PTPRN2: variants seen among roughly 807,000 people sequenced by gnomAD.
The protein encoded by PTPRN2 is protein tyrosine phosphatase receptor type N2.
A neutral mutation model predicts 118.8 loss-of-function variants in PTPRN2; 74 were observed. The observed-to-expected ratio is 0.62, with a 90% CI of 0.52 to 0.76. The LOEUF (loss-of-function observed/expected upper bound fraction) is 0.76, where lower values mean the gene tolerates loss of function less well. Ranked by LOEUF, PTPRN2 falls within the 30% of genes least tolerant of loss-of-function variation. The pLI, the probability that PTPRN2 is intolerant of heterozygous loss-of-function variation, is 0.00. For missense variants in PTPRN2, 1,481 were observed against 1,394.4 expected (o/e 1.06, Z -0.99); for synonymous variants, 641 against 608.0 (o/e 1.05, Z -0.80).
chr7:157,641,276 T>C (rs888361912), intron 14 of PTPRN2, among the ~76,000 whole-genome samples: 7 of 152,136 alleles, frequency 4.6e-5, no homozygotes, highest in Non-Finnish European at 8.8e-5. Context: ...ACCCATTCAT[T>C]CCCACAGAAG....
intron 3 of PTPRN2, among the ~76,000 whole-genome samples, chr7:158,209,969 TAAG>T (rs771789760): frequency 3.3e-4 from 50 of 152,136 alleles, no homozygotes; most frequent in Non-Finnish European, 6.5e-4. Flanking sequence ...ATGAGGAAAT[TAAG>T]GAGAAAATTT....
At chr7:157,654,467 G>A (rs909298945) in intron 14 of PTPRN2, among the ~76,000 whole-genome samples, 2 of 152,192 alleles carry the variant, frequency 1.3e-5, no homozygotes, top group African/African-American at 2.4e-5. Context: ...CAATCTGTAC[G>A]CACAGAGTCT....
intron 3 of PTPRN2, among the ~76,000 whole-genome samples, chr7:158,260,699 G>A (rs575850694): frequency 7.9e-5 from 12 of 152,248 alleles, no homozygotes; most frequent in Non-Finnish European, 1.2e-4. Context: ...CTAGCGCTCC[G>A]TGGGGCTGAA....
At chr7:158,074,005 G>A (rs1437400676) in intron 11 of PTPRN2, among the ~76,000 whole-genome samples, 1 of 152,204 alleles carries the variant, frequency 6.6e-6, no homozygotes, top group Non-Finnish European at 1.5e-5. Context: ...TACCACAGGA[G>A]GACATACGTG....
intron 2 of PTPRN2, among the ~76,000 whole-genome samples, chr7:158,404,804 C>G (rs1267990555): frequency 1.5e-5 from 2 of 132,528 alleles, no homozygotes; most frequent in Non-Finnish European, 3.2e-5. Flanking sequence ...AGCTCCCTGG[C>G]CCCCAGCTCC....
intron 17 of PTPRN2, among the ~76,000 whole-genome samples, chr7:157,578,447 C>CCA (rs1226839073): frequency 1.3e-4 from 20 of 152,192 alleles, no homozygotes; most frequent in African/African-American, 4.8e-4. Flanking sequence ...TTCTACAACG[C>CCA]CACACATAAC....
chr7:158,016,853 G>C lies in PTPRN2; in HGVS notation c.1723+64445C>G, dbSNP rs185369569. Among the ~76,000 whole-genome samples the C allele has an allele frequency of 1.7e-4, 26 of 152,314 alleles. No individual in the cohort carries two copies. In the East Asian group the frequency reaches 4.8e-3, roughly 28 times the overall value. On this transcript the variant is annotated intron_variant, in intron 11 of 22. Transcript: ENST00000389418. ...TACGCTGAATATGAAACTGTTAATTGCATTTTCAGAGACATAGCTACAAGG... is the reference window on the plus strand; with the variant it reads ...TACGCTGAATATGAAACTGTTAATTCCATTTTCAGAGACATAGCTACAAGG...
At chr7:158,225,897 G>T (rs4909139) in intron 3 of PTPRN2, among the ~76,000 whole-genome samples, 2,715 of 132,244 alleles carry the variant, frequency 0.021, 28 homozygotes, top group Middle Eastern at 0.044. Context: ...GGGAGGTGGG[G>T]GCAGTGCAGG....
At chr7:158,583,771 G>T (rs1048174156) in intron 1 of PTPRN2, among the ~76,000 whole-genome samples, 3 of 152,136 alleles carry the variant, frequency 2.0e-5, no homozygotes, top group Non-Finnish European at 4.4e-5. Context: ...GATGGAGACC[G>T]AGCAGGAGAG....
intron 3 of PTPRN2, among the ~76,000 whole-genome samples, chr7:158,236,014 G>A (rs569322767): frequency 6.6e-6 from 1 of 152,248 alleles, no homozygotes; most frequent in South Asian, 2.1e-4. Context: ...GACGTCGTGG[G>A]GGAAACTGCA....
At chr7:158,082,307 C>G (rs960182462) in intron 10 of PTPRN2, among the ~76,000 whole-genome samples, 1 of 152,198 alleles carries the variant, frequency 6.6e-6, no homozygotes, top group East Asian at 1.9e-4. Context: ...CCACCACAGG[C>G]TCATCCCAAG....
At chr7:158,576,667 A>T (rs1482137934) in intron 1 of PTPRN2, among the ~76,000 whole-genome samples, 1 of 152,230 alleles carries the variant, frequency 6.6e-6, no homozygotes, top group Non-Finnish European at 1.5e-5. Flanking sequence ...GAGGTTCTGG[A>T]GCAAGATGGA....
chr7:158,152,334 C>A (rs528539967), intron 6 of PTPRN2, among the ~76,000 whole-genome samples: 2 of 152,216 alleles, frequency 1.3e-5, no homozygotes, highest in African/African-American at 4.8e-5. Flanking sequence ...TCAGCAGAGG[C>A]CTGAGGGAGG....
chr7:158,046,338 T>C (rs1486831093), intron 11 of PTPRN2, among the ~76,000 whole-genome samples: 99 of 75,598 alleles, frequency 1.3e-3, no homozygotes, highest in Non-Finnish European at 1.5e-3. Flanking sequence ...GCGATCCTGG[T>C]GTCCTGACAC....
At chr7:158,214,430 AC>A (rs926696917) in intron 3 of PTPRN2, among the ~76,000 whole-genome samples, 1 of 149,602 alleles carries the variant, frequency 6.7e-6, no homozygotes, top group Non-Finnish European at 1.5e-5. Context: ...ACACACACAC[AC>A]AACTAAAGCA....
intron 11 of PTPRN2, among the ~76,000 whole-genome samples, chr7:158,074,166 C>T (rs1812163863): frequency 6.6e-6 from 1 of 152,200 alleles, no homozygotes. Context: ...GACCGTCACA[C>T]CGTCAGCAAA....
chr7:157,978,004 G>A (rs562549947), intron 11 of PTPRN2, among the ~76,000 whole-genome samples: 3 of 151,938 alleles, frequency 2.0e-5, no homozygotes, highest in Non-Finnish European at 4.4e-5. Flanking sequence ...CTCCCTGTAC[G>A]TCGCATGCAC....
rs748149062 is a variant in PTPRN2 at position 157,783,596 on chromosome 7, G to C, written c.1789-100659C>G. On this transcript the variant is annotated intron_variant, in intron 12 of 22. Coordinates refer to ENST00000389418, the MANE Select transcript of PTPRN2 (RefSeq NM_002847.5). ...AGCGGAGTCCATACTAAAGTTGACC[G>C]ATCCTGGCTATAAAAAGTTCTGCAA... is the stretch of plus-strand genomic sequence containing the variant. Among the ~76,000 whole-genome samples, 4 of 150,638 alleles carry C rather than the reference G, an allele frequency of 2.7e-5. No homozygotes were observed. In the Admixed American group the frequency reaches 2.7e-4, roughly 10 times the overall value.
At chr7:157,731,049 G>C (rs1003694485) in intron 12 of PTPRN2, among the ~76,000 whole-genome samples, 3 of 152,118 alleles carry the variant, frequency 2.0e-5, no homozygotes, top group African/African-American at 4.8e-5. Flanking sequence ...CTGGACGAGG[G>C]GGTCCTGTCT....
Sources: gnomAD v4.1 joint callset for allele counts (sites outside exome capture counted in the v4.1 genomes callset) on GRCh38, gnomAD v4.1.1 for gene constraint, MANE v1.5 for transcripts, NCBI Gene and HGNC (gene_info 2026-07-23, HGNC 2026-07-21) for gene names.